ECHDC3: variants seen among roughly 807,000 people sequenced by gnomAD.
ECHDC3 encodes the protein enoyl-CoA hydratase domain-containing protein 3, mitochondrial.
A neutral mutation model predicts 17.9 loss-of-function variants in ECHDC3; 20 were observed. The observed-to-expected ratio is 1.12, with a 90% confidence interval of 0.79 to 1.63. The LOEUF (loss-of-function observed/expected upper bound fraction) is 1.63, where lower values mean the gene tolerates loss of function less well. ECHDC3 is among the 40% of genes most tolerant of loss of function. The probability of loss-of-function intolerance (pLI) is 0.00; values close to 1 mark genes in which losing one functional copy is unlikely to be tolerated. For synonymous variants in ECHDC3, 177 were observed against 149.7 expected (o/e 1.18, Z -1.33); for missense variants, 407 against 357.7 (o/e 1.14, Z -1.11).
At chr10:11,752,301 G>GTTT (rs1832835179) in intron 3 of ECHDC3, 2 of 14,614 alleles carry the variant, frequency 1.4e-4, no homozygotes, top group Non-Finnish European at 2.6e-4. Flanking sequence ...TTTTTTTTTA[G>GTTT]TAGAAATGGG....
intron 3 of ECHDC3, among the ~76,000 whole-genome samples, chr10:11,753,768 C>CTTATTT (rs113435957): frequency 5.4e-5 from 3 of 55,632 alleles, no homozygotes; most frequent in African/African-American, 1.3e-4. Flanking sequence ...GTGCATTCTT[C>CTTATTT]TTCTTTTTAT....
intron 4 of ECHDC3, among the ~76,000 whole-genome samples, chr10:11,759,356 T>TAAAAAAAAAAAAAAA: frequency 7.9e-6 from 1 of 127,380 alleles, no homozygotes; most frequent in African/African-American, 3.4e-5. Context: ...CTCCATCTCT[T>TAAAAAAAAAAAAAAA]AAAAAAAAAA....
intron 3 of ECHDC3, among the ~76,000 whole-genome samples, chr10:11,753,369 C>A (rs1170439999): frequency 1.3e-5 from 2 of 151,794 alleles, no homozygotes; most frequent in African/African-American, 4.8e-5. Context: ...GGTGACAGAG[C>A]AAGTCTGTTT....
chr10:11,760,456 A>G (rs1049446231), intron 4 of ECHDC3, among the ~76,000 whole-genome samples: 61 of 152,234 alleles, frequency 4.0e-4, no homozygotes, highest in African/African-American at 1.4e-3. Flanking sequence ...GCCAGGAAGG[A>G]ACACTTACTA....
intron 4 of ECHDC3, among the ~76,000 whole-genome samples, chr10:11,762,500 G>A (rs1351003013): frequency 6.6e-6 from 1 of 152,206 alleles, no homozygotes; most frequent in Non-Finnish European, 1.5e-5. Context: ...TTTTAAGTTT[G>A]ACTTTAGAGG....
chr10:11,760,006 G>A (rs1832929888), intron 4 of ECHDC3, among the ~76,000 whole-genome samples: 1 of 152,194 alleles, frequency 6.6e-6, no homozygotes, highest in Non-Finnish European at 1.5e-5. Flanking sequence ...GGTACATCTG[G>A]CTCAGCCAGG....
At chr10:11,753,386 A>C (rs1353397754) in intron 3 of ECHDC3, among the ~76,000 whole-genome samples, 1 of 152,198 alleles carries the variant, frequency 6.6e-6, no homozygotes, top group Non-Finnish European at 1.5e-5. Context: ...GTTTCAAAAA[A>C]AAAATTAATA....
intron 4 of ECHDC3, among the ~76,000 whole-genome samples, chr10:11,756,160 G>A (rs888619164): frequency 2.6e-5 from 4 of 152,210 alleles, no homozygotes; most frequent in African/African-American, 7.2e-5. Context: ...TCTCCTGTGC[G>A]TGGTATGTTG....
At chr10:11,757,628 G>C (rs923306776) in intron 4 of ECHDC3, among the ~76,000 whole-genome samples, 2 of 152,078 alleles carry the variant, frequency 1.3e-5, no homozygotes, top group African/African-American at 4.8e-5. Context: ...CTAATCAGCT[G>C]CCTGAAAGCG....
intron 3 of ECHDC3, among the ~76,000 whole-genome samples, chr10:11,754,467 C>A (rs946903917): frequency 6.6e-6 from 1 of 152,200 alleles, no homozygotes; most frequent in Non-Finnish European, 1.5e-5. Flanking sequence ...TCTCTCCTCT[C>A]TGTGCCAATG....
intron 1 of ECHDC3, among the ~76,000 whole-genome samples, chr10:11,746,902 T>G (rs1476216738): frequency 2.6e-5 from 4 of 152,160 alleles, no homozygotes; most frequent in Admixed American, 2.0e-4. Flanking sequence ...TAGAGGGAGT[T>G]ATTTTCATTC....
chr10:11,752,372 G>C (rs908234068), intron 3 of ECHDC3: 8 of 144,496 alleles, frequency 5.5e-5, no homozygotes, highest in African/African-American at 2.0e-4. Context: ...CGCCCACCTT[G>C]ACCTCCCAAA....
rs1419478082 is a variant in ECHDC3 at position 11,749,485 on chromosome 10, A to G, written c.293-10A>G. The G allele has an allele frequency of 6.2e-7, 1 of 1,613,846 alleles. No individual in the cohort carries two copies. Among genetic ancestry groups the G allele is most frequent in the Admixed American group, 1.7e-5 (1 of 59,994 alleles). On this transcript the variant is annotated splice_polypyrimidine_tract_variant and intron_variant, in intron 2 of 4. Coordinates refer to ENST00000379215, the MANE Select transcript of ECHDC3 (RefSeq NM_024693.5). ...TTTTGTTTTCTTTTCTCAATTGGAA[A>G]CATTTGCAGCTGAGGGGCCTGTGTT...
rs377275246 is a variant in ECHDC3 at position 11,757,763 on chromosome 10, G to A, written c.591+2155G>A. On this transcript the variant is annotated intron_variant, in intron 4 of 4. Transcript: ENST00000379215. ...AGCAGAAATCACAGTACTGATAATG[G>A]GAATTTTGCAGGAAGAAACAGGCTT... Among the ~76,000 whole-genome samples, 14 of 152,294 alleles carry A rather than the reference G, an allele frequency of 9.2e-5. No homozygotes were observed. In the East Asian group the frequency reaches 2.5e-3, roughly 27 times the overall value.
Position 11,751,007 on chromosome 10 carries a change from G to A in ECHDC3, c.390+1415G>A, listed in dbSNP as rs139440769. 9.2e-5 allele frequency among the ~76,000 whole-genome samples: 14 copies of A among 152,302 alleles called. No individual in the cohort carries two copies. The East Asian group carries it at 2.7e-3, about 29-fold the overall frequency. On this transcript the variant is annotated intron_variant, in intron 3 of 4. Coordinates refer to ENST00000379215, the MANE Select transcript of ECHDC3 (RefSeq NM_024693.5). ...TACTCGAAGCTTCATGGGGAAGTGGGAGCAAGTTAGAGCCGAGACCTGGGT... is the reference window on the plus strand; with the variant it reads ...TACTCGAAGCTTCATGGGGAAGTGGAAGCAAGTTAGAGCCGAGACCTGGGT...
At chr10:11,758,586 A>G (rs933072979) in intron 4 of ECHDC3, among the ~76,000 whole-genome samples, 3 of 152,196 alleles carry the variant, frequency 2.0e-5, no homozygotes, top group African/African-American at 7.2e-5. Context: ...TTTAGCAGTG[A>G]TTTGTGTGGC....
Position 11,742,766 on chromosome 10 carries a change from G to T in ECHDC3, c.170+20G>T. 8.2e-7 allele frequency: 1 copy of T among 1,225,066 alleles called. No individual in the cohort carries two copies. Among genetic ancestry groups the T allele is most frequent in the South Asian group, 3.9e-5 (1 of 25,472 alleles). The allele number at this position is 1,225,066 out of a possible 1,614,324, so 75.9% of individuals were successfully genotyped here. A position where few individuals can be genotyped will look rare whatever the true frequency, so the allele number is the denominator to read the frequency against. On this transcript the variant is annotated intron_variant, in intron 1 of 4. Transcript: ENST00000379215. ...CATAAGGTCAGCCCCGGGCCGCGCG[G>T]GCTCCTCGCGTTGGTGCCGAGTCGG...
intron 3 of ECHDC3, among the ~76,000 whole-genome samples, chr10:11,750,477 G>C (rs1317132761): frequency 1.3e-5 from 2 of 152,080 alleles, no homozygotes; most frequent in Non-Finnish European, 2.9e-5. Context: ...ACCATATTAA[G>C]GAGGAAAAAT....
At chr10:11,753,951 CT>C (rs36075072) in intron 3 of ECHDC3, among the ~76,000 whole-genome samples, 5 of 150,712 alleles carry the variant, frequency 3.3e-5, no homozygotes, top group African/African-American at 1.2e-4. Flanking sequence ...AATTTTTGTA[CT>C]TTTTTTTTAG....
Sources: allele counts gnomAD v4.1 joint callset (sites outside exome capture counted in the v4.1 genomes callset), GRCh38; gene constraint gnomAD v4.1.1; transcripts MANE v1.5; gene names NCBI Gene and HGNC (gene_info 2026-07-23, HGNC 2026-07-21).